The following DCAF8 variants were observed in gnomAD, a reference collection of about 807,000 sequenced individuals.
The protein encoded by DCAF8 is DDB1- and CUL4-associated factor 8.
DCAF8 carries 20 observed loss-of-function variants against 68.0 expected under a neutral mutation model. The ratio of observed to expected loss-of-function variants is 0.29; its 90% CI spans 0.21 to 0.43. The LOEUF is 0.43. Among genes scored for constraint, DCAF8 ranks in the 20% least tolerant of loss-of-function variants. DCAF8 has a pLI of 1.00. For missense variants in DCAF8, 460 were observed against 771.0 expected, an observed-to-expected ratio of 0.60 and a Z score of 4.78; for synonymous variants, 230 against 276.9, an observed-to-expected ratio of 0.83 and a Z score of 1.68.
intron 5 of DCAF8, among the ~76,000 whole-genome samples, chr1:160,238,252 C>T (rs1014877708): frequency 1.3e-5 from 2 of 152,156 alleles, no homozygotes; most frequent in African/African-American, 2.4e-5. Context: ...GAAGCTCTCA[C>T]ACAAGAGGAA....
intron 6 of DCAF8, among the ~76,000 whole-genome samples, chr1:160,236,370 A>G (rs925288386): frequency 2.0e-5 from 3 of 151,874 alleles, no homozygotes; most frequent in Non-Finnish European, 4.4e-5. Context: ...GTGTATATAA[A>G]CATATATGTG....
intron 6 of DCAF8, 103 bp from the exon 7 acceptor site, chr1:160,231,510 AG>A: frequency 1.3e-6 from 1 of 755,220 alleles, no homozygotes; most frequent in Non-Finnish European, 2.2e-6. Flanking sequence ...GAAACCAAAG[AG>A]ATTCTCATTT....
chr1:160,240,137 C>G lies in DCAF8; in HGVS notation c.283G>C (p.Val95Leu). 6.2e-7 allele frequency: 1 copy of G among 1,613,958 alleles called. No homozygotes were observed. The highest frequency in any genetic ancestry group is 8.5e-7 in the Non-Finnish European group (1 of 1,179,908). Residue 95 changes from valine (V) to leucine (L), a missense_variant, in exon 4 of 14, where the codon GTC becomes CTC. Coordinates refer to ENST00000368074, the MANE Select transcript of DCAF8 (RefSeq NM_015726.4). The stretch of plus-strand genomic sequence containing the variant: ...TCCTCTTCCTCTGAGCGGTCATGGA[C>G]TCGATTTTCATCATTAATGGAGTAA... Reference protein sequence around the residue: ...GHYSINDENRVHDRSEEEEEE... With the variant: ...GHYSINDENRLHDRSEEEEEE...
chr1:160,245,424 C>T (rs1656283117), intron 2 of DCAF8, among the ~76,000 whole-genome samples: 1 of 152,228 alleles, frequency 6.6e-6, no homozygotes, highest in Non-Finnish European at 1.5e-5. Flanking sequence ...ATTCCCATGA[C>T]AATTATTCCA....
At chr1:160,253,344 T>A (rs1046170500) in intron 2 of DCAF8, among the ~76,000 whole-genome samples, 3 of 151,130 alleles carry the variant, frequency 2.0e-5, no homozygotes, top group South Asian at 2.1e-4. Flanking sequence ...CTAGAAAAAA[T>A]TTAAAAATTA....
At chr1:160,229,340 G>C (rs1655590712) in intron 7 of DCAF8, among the ~76,000 whole-genome samples, 2 of 151,980 alleles carry the variant, frequency 1.3e-5, no homozygotes. Context: ...CCAGTAAATA[G>C]CCAATAGAGG....
chr1:160,255,866 C>T (rs1239660374), intron 2 of DCAF8, among the ~76,000 whole-genome samples: 5 of 151,774 alleles, frequency 3.3e-5, no homozygotes, highest in African/African-American at 1.2e-4. Flanking sequence ...GTGATCCGCC[C>T]GTCTCAGCCT....
intron 5 of DCAF8, among the ~76,000 whole-genome samples, chr1:160,237,821 T>C (rs1002344740): frequency 6.6e-6 from 1 of 152,172 alleles, no homozygotes; most frequent in Non-Finnish European, 1.5e-5. Context: ...ATTACAGGCA[T>C]AAGCCACCAC....
At chr1:160,219,122 G>T (rs2101712413) in intron 11 of DCAF8, 154 bp from the exon 12 acceptor site, 1 of 979,610 alleles carries the variant, frequency 1.0e-6, no homozygotes, top group Non-Finnish European at 1.5e-6. Flanking sequence ...AAGCCAAAGG[G>T]CACTGAGGGT....
chr1:160,246,662 T>TA (rs1656353551), intron 2 of DCAF8, among the ~76,000 whole-genome samples: 1 of 152,094 alleles, frequency 6.6e-6, no homozygotes, highest in Non-Finnish European at 1.5e-5. Context: ...TGCTGTGCCC[T>TA]AGGTGTCAAG....
intron 10 of DCAF8, among the ~76,000 whole-genome samples, chr1:160,223,004 T>G (rs1358997058): frequency 6.6e-6 from 1 of 152,204 alleles, no homozygotes; most frequent in Non-Finnish European, 1.5e-5. Flanking sequence ...GCAGCAGCCT[T>G]AGTCTCTCAA....
chr1:160,238,570 T>A (rs937607426), intron 5 of DCAF8, 37 bp downstream of exon 5: 86 of 1,561,956 alleles, frequency 5.5e-5, no homozygotes, highest in Non-Finnish European at 6.5e-5. Flanking sequence ...CACAGAGGAT[T>A]TGGATTGCAC....
intron 2 of DCAF8, among the ~76,000 whole-genome samples, chr1:160,255,727 C>G (rs1304892719): frequency 6.6e-6 from 1 of 152,122 alleles, no homozygotes; most frequent in Non-Finnish European, 1.5e-5. Context: ...TCAAGCAATT[C>G]TCCCGCCTCA....
At chr1:160,262,407 C>T in intron 1 of DCAF8, 42 bp downstream of exon 1, 1 of 400,496 alleles carries the variant, frequency 2.5e-6, no homozygotes, top group Non-Finnish European at 4.4e-6. Flanking sequence ...CCAGGCCCAG[C>T]CGCCCCGTCC....
At position 160,240,186 on chromosome 1, in the gene DCAF8, A is replaced by G; in HGVS notation, c.234T>C (p.Ser78=). The stretch of plus-strand genomic sequence containing the variant: ...AATGACCAGTGTCCTCCATGCTGTC[A>G]GAGTCCTTATCTTCACCTGAGCTCT... ...DTESSGEDKD[S]DSMEDTGHYS... The change falls in exon 4 of 14, where the codon TCT becomes TCC. Residue 78 remains serine (S), a synonymous_variant. Coordinates refer to ENST00000368074, the MANE Select transcript of DCAF8 (RefSeq NM_015726.4). The G allele has an allele frequency of 6.2e-7, 1 of 1,613,948 alleles. No individual in the cohort carries two copies. Among genetic ancestry groups the G allele is most frequent in the Middle Eastern group, 1.7e-4 (1 of 6,060 alleles).
chr1:160,238,492 G>T, intron 5 of DCAF8, 115 bp downstream of exon 5: 1 of 1,169,834 alleles, frequency 8.5e-7, no homozygotes, highest in Non-Finnish European at 1.2e-6. Flanking sequence ...GACTGAAAGA[G>T]GTGAGGCACA....
intron 7 of DCAF8, among the ~76,000 whole-genome samples, chr1:160,226,106 C>T (rs186000943): frequency 1.9e-3 from 283 of 152,282 alleles, no homozygotes; most frequent in Middle Eastern, 6.8e-3. Context: ...TGGCAATCCT[C>T]AATTCTGTCA....
chr1:160,262,413 C>G (rs912955444), intron 1 of DCAF8, 36 bp downstream of exon 1: 16 of 400,622 alleles, frequency 4.0e-5, no homozygotes, highest in Admixed American at 1.3e-4. Flanking sequence ...CCAGCCGCCC[C>G]GTCCACTGCC....
At chr1:160,254,501 G>T (rs1017337095) in intron 2 of DCAF8, among the ~76,000 whole-genome samples, 11 of 147,790 alleles carry the variant, frequency 7.4e-5, no homozygotes, top group African/African-American at 2.0e-4. Flanking sequence ...AAAAGCCCTG[G>T]TTTTTTTTTT....
Sources: allele counts gnomAD v4.1 joint callset (sites outside exome capture counted in the v4.1 genomes callset), GRCh38; gene constraint gnomAD v4.1.1; transcripts MANE v1.5; gene names NCBI Gene and HGNC (gene_info 2026-07-23, HGNC 2026-07-21).